SUPT6H: variants seen among roughly 807,000 people sequenced by gnomAD.
SUPT6H encodes SPT6 homolog, histone chaperone and transcription elongation factor, also known as transcription elongation factor SPT6.
In SUPT6H, 11 loss-of-function variants were observed where a neutral mutation model predicts 222.3. The observed-to-expected ratio is 0.05, with a 90% CI of 0.03 to 0.08. SUPT6H has a LOEUF of 0.08. Among genes scored for constraint, SUPT6H ranks in the 10% least tolerant of loss-of-function variants. The pLI is 1.00. For synonymous variants in SUPT6H, 762 were observed against 801.2 expected, an observed-to-expected ratio of 0.95 and a Z score of 0.83; for missense variants, 1,422 against 2,216.0, an observed-to-expected ratio of 0.64 and a Z score of 7.19.
chr17:28,684,760 CTT>C, intron 18 of SUPT6H, 35 bp downstream of exon 18: 1 of 1,613,214 alleles, frequency 6.2e-7, no homozygotes, highest in Non-Finnish European at 8.5e-7. Context: ...AGCACCATCT[CTT>C]GTCTTCCTAA....
chr17:28,673,874 T>C (rs1036968553), intron 2 of SUPT6H, among the ~76,000 whole-genome samples: 4 of 152,184 alleles, frequency 2.6e-5, no homozygotes, highest in African/African-American at 4.8e-5. Flanking sequence ...ATCTTTAGAA[T>C]TGTCAACAGA....
At chr17:28,681,491 G>T in intron 12 of SUPT6H, 87 bp downstream of exon 12, 1 of 1,468,922 alleles carries the variant, frequency 6.8e-7, no homozygotes. Flanking sequence ...AGATGCTAAG[G>T]TGGGTGGATC....
chr17:28,677,531 G>A (rs1597695946), intron 7 of SUPT6H, among the ~76,000 whole-genome samples, 184 bp from the exon 8 acceptor site: 1 of 151,766 alleles, frequency 6.6e-6, no homozygotes, highest in Non-Finnish European at 1.5e-5. Flanking sequence ...AGCAACAAGA[G>A]TGAGACACCA....
chr17:28,695,630 G>A, intron 29 of SUPT6H, 83 bp downstream of exon 29: 1 of 1,452,118 alleles, frequency 6.9e-7, no homozygotes, highest in Non-Finnish European at 9.3e-7. Flanking sequence ...GGATGCACAT[G>A]TGTCAGTCTC....
intron 26 of SUPT6H, among the ~76,000 whole-genome samples, chr17:28,690,713 A>G (rs1465527279): frequency 6.6e-6 from 1 of 152,176 alleles, no homozygotes; most frequent in African/African-American, 2.4e-5. Context: ...GGCAGAGGTT[A>G]CAGTCAGCCA....
chr17:28,687,271 G>A, intron 22 of SUPT6H, 33 bp from the exon 23 acceptor site: 1 of 1,614,176 alleles, frequency 6.2e-7, no homozygotes, highest in Non-Finnish European at 8.5e-7. Flanking sequence ...GAAAGGCAGA[G>A]TAACCTTACT....
At chr17:28,669,990 A>C (rs1310919016) in intron 1 of SUPT6H, 1 of 152,228 alleles carries the variant, frequency 6.6e-6, no homozygotes, top group Non-Finnish European at 1.5e-5. Flanking sequence ...ACAATGTTTT[A>C]ATGTCTGCTC....
In SUPT6H at chr17:28,678,889, T is replaced by G; in HGVS notation, c.1275T>G (p.Tyr425Ter). 6.2e-7 allele frequency: 1 copy of G among 1,614,246 alleles called. No individual in the cohort carries two copies. The highest frequency in any genetic ancestry group is 8.5e-7 in the Non-Finnish European group (1 of 1,180,048). The change falls in exon 11 of 37, where the codon TAT becomes TAG. Residue 425 changes from tyrosine to a stop codon, truncating the protein, a stop_gained. Transcript: ENST00000314616. LOFTEE classifies it high-confidence loss of function. ...RLFEKMQAYQ[Y>*]EQISADPDKP... ...TTGAGAAGATGCAGGCTTATCAGTA[T>G]GAACAGATCTCTGCTGACCCTGACA... is the stretch of plus-strand genomic sequence containing the variant.
chr17:28,663,191 A>C (rs1167573685), intron 1 of SUPT6H, among the ~76,000 whole-genome samples: 1 of 152,206 alleles, frequency 6.6e-6, no homozygotes. Flanking sequence ...CTTCGGAAAA[A>C]TGTCTGGTTC....
At chr17:28,683,487 G>A (rs569089708) in intron 16 of SUPT6H, 65 bp downstream of exon 16, 362 of 1,599,628 alleles carry the variant, frequency 2.3e-4, no homozygotes, top group Admixed American at 1.6e-3. Flanking sequence ...GTGGAGGGAA[G>A]GGCCCCTCAG....
Position 28,674,394 on chromosome 17 carries a change from A to G in SUPT6H, c.221A>G (p.Asp74Gly), listed in dbSNP as rs1338551329. 1 of 1,613,744 alleles carries G rather than the reference A, an allele frequency of 6.2e-7. No individual in the cohort carries two copies. The highest frequency in any genetic ancestry group is 2.2e-5 in the East Asian group (1 of 44,878). Residue 74 changes from aspartate to glycine, a missense_variant, in exon 3 of 37, where the codon GAC becomes GGC. Around this residue, in one of 13 missense-constraint regions of SUPT6H, gnomAD observed 89 missense variants for 118.9 expected, o/e 0.75. Transcript: ENST00000314616. ...GAAGGGGAGGAGGATGAGGGCAGTG[A>G]CTCTGGTGATTCAGAAGATGATGTT... ...EDEGEEDEGS[D>G]SGDSEDDVGH...
At chr17:28,686,970 C>G (rs1370590110) in intron 21 of SUPT6H, 118 bp from the exon 22 acceptor site, 18 of 1,513,352 alleles carry the variant, frequency 1.2e-5, no homozygotes, top group Non-Finnish European at 1.6e-5. Context: ...AAATCGGTCT[C>G]AGGAAAAAAG....
chr17:28,675,327 T>C (rs1344643213), intron 5 of SUPT6H, 74 bp from the exon 6 acceptor site: 28 of 1,560,230 alleles, frequency 1.8e-5, no homozygotes, highest in Non-Finnish European at 2.5e-5. Flanking sequence ...GCCACTCACA[T>C]AGTAGGAACC....
At position 28,681,325 on chromosome 17, in the gene SUPT6H, A is replaced by T; in HGVS notation, c.1419A>T (p.Arg473=). Residue 473 remains arginine (R), a synonymous_variant, in exon 12 of 37, where the codon CGA becomes CGT. Transcript: ENST00000314616. Reference sequence around the variant, plus strand: ...ACCATTTTCTTCTTTATTATGGCCGAGACATCCCTAAGATGCAGAACGCCG... The same window carrying T: ...ACCATTTTCTTCTTTATTATGGCCGTGACATCCCTAAGATGCAGAACGCCG... The part of the protein sequence containing the change: ...VYNHFLLYYG[R]DIPKMQNAAK... 11 of 1,614,038 alleles carry T rather than the reference A, an allele frequency of 6.8e-6. No homozygotes were observed. The highest frequency in any genetic ancestry group is 8.5e-6 in the Non-Finnish European group (10 of 1,179,984).
intron 13 of SUPT6H, 108 bp from the exon 14 acceptor site, chr17:28,682,619 A>G: frequency 2.0e-6 from 3 of 1,470,630 alleles, no homozygotes; most frequent in South Asian, 1.3e-5. Context: ...AGACCGTCTC[A>G]GGAAAATAAA....
In SUPT6H at chr17:28,695,446, A is replaced by G. The variant is rs139227232; in HGVS notation, c.3869A>G (p.Asn1290Ser). 8.1e-6 allele frequency: 13 copies of G among 1,614,056 alleles called. No homozygotes were observed. Among genetic ancestry groups the G allele is most frequent in the African/African-American group, 1.3e-5 (1 of 74,902 alleles). The change falls in exon 29 of 37, where the codon AAC (asparagine) becomes AGC (serine). Residue 1290 changes from asparagine to serine, a missense_variant. By Grantham distance (46) the Asn-to-Ser change is conservative. This residue lies in a region of SUPT6H where 395 missense variants were observed against 580.6 expected (regional missense o/e 0.68). Coordinates refer to ENST00000314616, the MANE Select transcript of SUPT6H (RefSeq NM_003170.5). ...TCRTSDLMDR[N>S]NEWKLPKDTY... is the part of the protein sequence containing the mutation. ...CGCACCTCAGACCTCATGGACAGGA[A>G]CAATGAGTGGAAGCTGCCCAAAGAC... is the stretch of plus-strand genomic sequence containing the variant.
chr17:28,702,405 A>C lies in SUPT6H; in HGVS notation c.*780A>C, dbSNP rs535358082. 6.6e-6 allele frequency: 1 copy of C among 152,434 alleles called. No individual in the cohort carries two copies. Among genetic ancestry groups the C allele is most frequent in the Non-Finnish European group, 1.5e-5 (1 of 68,064 alleles). 9.4% of individuals were successfully genotyped at this position (152,434 alleles called of 1,614,324 possible). A position where few individuals can be genotyped will look rare whatever the true frequency, so the allele number is the denominator to read the frequency against. On this transcript the variant is annotated 3_prime_UTR_variant, in exon 37 of 37. Coordinates refer to ENST00000314616, the MANE Select transcript of SUPT6H (RefSeq NM_003170.5). ...ACTGCCTGGGGCACATCCCTGCTCT[A>C]CTTCCCAGCCGGGTGACCCTGTGCC...
intron 1 of SUPT6H, among the ~76,000 whole-genome samples, chr17:28,672,459 G>C (rs774786683): frequency 1.5e-4 from 22 of 151,556 alleles, no homozygotes; most frequent in Non-Finnish European, 3.1e-4. Context: ...TGTTGCCCAG[G>C]CTGGAGTGCA....
rs772362844 is a variant in SUPT6H, at chr17:28,700,183, T to TAGC, written c.4584_4586dup (p.Ser1528dup). 2 of 1,614,026 alleles carry TAGC rather than the reference T, an allele frequency of 1.2e-6. No homozygotes were observed. ...AATCACTTCCTGCAGGCATCACCCC[T>TAGC]AGCAGCAGCAGCAGGACCCGGACAC... On this transcript the variant is annotated inframe_insertion, in exon 34 of 37. Transcript: ENST00000314616.
Sources: allele counts gnomAD v4.1 joint callset (sites outside exome capture counted in the v4.1 genomes callset), GRCh38; gene constraint gnomAD v4.1.1; regional missense constraint gnomAD v4.1.1; transcripts MANE v1.5; gene names NCBI Gene and HGNC (gene_info 2026-07-23, HGNC 2026-07-21).